DLGAP2: variants seen among roughly 807,000 people sequenced by gnomAD.
The protein encoded by DLGAP2 is DLG associated protein 2.
In DLGAP2, 26 loss-of-function variants were observed where a neutral mutation model predicts 100.3. The ratio of observed to expected loss-of-function variants is 0.26; its 90% CI spans 0.19 to 0.36. The LOEUF (loss-of-function observed/expected upper bound fraction) is 0.36. Ranked by LOEUF, DLGAP2 falls within the 10% of genes least tolerant of loss-of-function variation. The probability of loss-of-function intolerance (pLI) is 1.00; values close to 1 mark genes in which losing one functional copy is unlikely to be tolerated. For synonymous variants in DLGAP2, 886 were observed against 630.1 expected (o/e 1.41, Z -6.08); for missense variants, 1,858 against 1,453.2 (o/e 1.28, Z -4.53).
intron 1 of DLGAP2, among the ~76,000 whole-genome samples, chr8:789,822 C>G (rs151321995): frequency 6.6e-6 from 1 of 152,318 alleles, no homozygotes; most frequent in African/African-American, 2.4e-5. Flanking sequence ...TTGTTTCTCT[C>G]TCTCAGGTTA....
intron 1 of DLGAP2, among the ~76,000 whole-genome samples, chr8:744,481 C>T (rs1158110719): frequency 1.3e-5 from 2 of 152,160 alleles, no homozygotes; most frequent in Non-Finnish European, 2.9e-5. Context: ...GTCCCTCCCT[C>T]TTCTCCGGCC....
chr8:954,414 A>G (rs1345968683), intron 2 of DLGAP2, among the ~76,000 whole-genome samples: 1 of 152,210 alleles, frequency 6.6e-6, no homozygotes, highest in African/African-American at 2.4e-5. Context: ...AATGTGTTCA[A>G]AATGTTCACG....
intron 2 of DLGAP2, among the ~76,000 whole-genome samples, chr8:1,078,054 C>T (rs965184939): frequency 6.6e-6 from 1 of 152,158 alleles, no homozygotes; most frequent in African/African-American, 2.4e-5. Flanking sequence ...TTAAATCCCA[C>T]CGGGACCCGG....
At chr8:1,432,107 C>T (rs532326066) in intron 3 of DLGAP2, among the ~76,000 whole-genome samples, 4 of 152,194 alleles carry the variant, frequency 2.6e-5, no homozygotes, top group Non-Finnish European at 5.9e-5. Context: ...TGCCATCCAT[C>T]GGGGCTGAAC....
chr8:1,513,044 C>T (rs1337866073), intron 4 of DLGAP2, among the ~76,000 whole-genome samples: 2 of 152,084 alleles, frequency 1.3e-5, no homozygotes, highest in East Asian at 3.9e-4. Context: ...AGGCCACAGG[C>T]CAGCTCCAGG....
chr8:1,215,404 T>C (rs1332256138), intron 2 of DLGAP2, among the ~76,000 whole-genome samples: 2 of 152,142 alleles, frequency 1.3e-5, no homozygotes, highest in Non-Finnish European at 2.9e-5. Context: ...ATGGGTTCAT[T>C]AGGGTGCATC....
chr8:1,273,903 G>A (rs1420663644), intron 3 of DLGAP2, among the ~76,000 whole-genome samples: 1 of 152,142 alleles, frequency 6.6e-6, no homozygotes, highest in South Asian at 2.1e-4. Flanking sequence ...ATATATAGCC[G>A]GGAATCTGCT....
intron 2 of DLGAP2, among the ~76,000 whole-genome samples, chr8:1,063,370 C>A (rs1803146920): frequency 1.3e-5 from 2 of 152,110 alleles, no homozygotes; most frequent in African/African-American, 4.8e-5. Context: ...TCTCTGCGAT[C>A]CCCGAGGTCT....
intron 3 of DLGAP2, among the ~76,000 whole-genome samples, chr8:1,353,439 T>C (rs77136695): frequency 6.6e-6 from 1 of 152,372 alleles, no homozygotes; most frequent in African/African-American, 2.4e-5. Context: ...GTATTCACTT[T>C]ATGATGAAAT....
At chr8:1,350,803 C>T (rs1198947464) in intron 3 of DLGAP2, among the ~76,000 whole-genome samples, 15 of 27,094 alleles carry the variant, frequency 5.5e-4, no homozygotes, top group African/African-American at 8.3e-4. Context: ...CCTGAGTGTG[C>T]GTGGAAAGGC....
At chr8:1,221,847 G>C (rs375844377) in intron 2 of DLGAP2, among the ~76,000 whole-genome samples, 1 of 152,112 alleles carries the variant, frequency 6.6e-6, no homozygotes, top group South Asian at 2.1e-4. Flanking sequence ...TGAAGGAGTG[G>C]TCTTTGAGCT....
chr8:1,048,084 C>A (rs140276679), intron 2 of DLGAP2, among the ~76,000 whole-genome samples: 8 of 152,094 alleles, frequency 5.3e-5, no homozygotes, highest in African/African-American at 9.7e-5. Flanking sequence ...TCCGAATTTC[C>A]GCTGGAAAGT....
At chr8:966,521 CT>C (rs963323815) in intron 2 of DLGAP2, among the ~76,000 whole-genome samples, 8 of 152,028 alleles carry the variant, frequency 5.3e-5, no homozygotes, top group African/African-American at 1.9e-4. Context: ...GCTTTCATAT[CT>C]TTTTTTTAAA....
At chr8:1,369,780 C>T (rs1041146226) in intron 3 of DLGAP2, 3 of 152,300 alleles carry the variant, frequency 2.0e-5, no homozygotes, top group Non-Finnish European at 2.9e-5. Context: ...GTGCAAAGCA[C>T]ACAGCAGTGA....
chr8:1,683,973 T>C (rs1269991298), intron 12 of DLGAP2, among the ~76,000 whole-genome samples: 1 of 128,390 alleles, frequency 7.8e-6, no homozygotes, highest in Non-Finnish European at 1.6e-5. Flanking sequence ...TATATATATA[T>C]ATATATATAT....
intron 2 of DLGAP2, among the ~76,000 whole-genome samples, chr8:981,330 G>T (rs1171394384): frequency 6.6e-6 from 1 of 152,064 alleles, no homozygotes; most frequent in Non-Finnish European, 1.5e-5. Context: ...TGCTGATGGG[G>T]ACTTTGGCTG....
chr8:1,005,678 C>A (rs1238456369), intron 2 of DLGAP2, among the ~76,000 whole-genome samples: 1 of 151,856 alleles, frequency 6.6e-6, no homozygotes, highest in Non-Finnish European at 1.5e-5. Context: ...CCTTGGACTC[C>A]CAAAGTGCTG....
intron 1 of DLGAP2, among the ~76,000 whole-genome samples, chr8:769,207 G>A (rs1261786751): frequency 2.0e-5 from 3 of 152,106 alleles, no homozygotes; most frequent in Non-Finnish European, 2.9e-5. Flanking sequence ...CATCCCGAGG[G>A]GCAATCTGAA....
At chr8:1,183,245 G>C in intron 2 of DLGAP2, among the ~76,000 whole-genome samples, 1 of 152,314 alleles carries the variant, frequency 6.6e-6, no homozygotes, top group African/African-American at 2.4e-5. Flanking sequence ...GAATGTGACA[G>C]ACATGGAGGT....
Sources: allele counts gnomAD v4.1 joint callset (sites outside exome capture counted in the v4.1 genomes callset), GRCh38; gene constraint gnomAD v4.1.1; transcripts MANE v1.5; gene names NCBI Gene and HGNC (gene_info 2026-07-23, HGNC 2026-07-21).